Variants in ASXL3 observed in about 807,000 individuals in gnomAD.
ASXL3 encodes putative Polycomb group protein ASXL3.
In ASXL3, 34 loss-of-function variants were observed where a neutral mutation model predicts 170.6. The observed-to-expected ratio is 0.20, with a 90% CI of 0.15 to 0.27. The LOEUF (loss-of-function observed/expected upper bound fraction) is 0.27, where lower values mean the gene tolerates loss of function less well. Among genes scored for constraint, ASXL3 ranks in the 10% least tolerant of loss-of-function variants. ASXL3 has a pLI of 1.00. For missense variants in ASXL3, 2,592 were observed against 2,695.3 expected (o/e 0.96, Z 0.85); for synonymous variants, 1,002 against 989.1 (o/e 1.01, Z -0.24).
At chr18:33,633,814 C>T (rs967689236) in intron 2 of ASXL3, among the ~76,000 whole-genome samples, 1 of 126,800 alleles carries the variant, frequency 7.9e-6, no homozygotes, top group African/African-American at 3.1e-5. Flanking sequence ...CACTGCATTA[C>T]AGCCTGGCGG....
At position 33,750,158 on chromosome 18, in the gene ASXL3, G is replaced by A. The variant is rs978925419; in HGVS notation, c.*3563G>A. The A allele has an allele frequency of 3.9e-5, 6 of 152,236 alleles. No homozygotes were observed. Among genetic ancestry groups the A allele is most frequent in the Non-Finnish European group, 7.3e-5 (5 of 68,082 alleles). The allele number at this position is 152,236 out of a possible 1,614,324, so 9.4% of individuals were successfully genotyped here. ...GAGCCCAGAGTCACTGTCCATCTGCGTTCCCAGAGAACAATTGTGAAGAGT... is the reference window on the plus strand; with the variant it reads ...GAGCCCAGAGTCACTGTCCATCTGCATTCCCAGAGAACAATTGTGAAGAGT... On this transcript the variant is annotated 3_prime_UTR_variant, in exon 12 of 12. Coordinates refer to ENST00000269197, the MANE Select transcript of ASXL3 (RefSeq NM_030632.3).
At chr18:33,682,292 T>G (rs2066526743) in intron 7 of ASXL3, among the ~76,000 whole-genome samples, 1 of 152,250 alleles carries the variant, frequency 6.6e-6, no homozygotes, top group African/African-American at 2.4e-5. Context: ...CATAATTTTC[T>G]GACCTCTGAT....
At position 33,746,472 on chromosome 18, in the gene ASXL3, A is replaced by G. The variant is rs2067796866; in HGVS notation, c.6624A>G (p.Glu2208=). Residue 2208 remains glutamate (E), a synonymous_variant, in exon 12 of 12, where the codon GAA becomes GAG. Transcript: ENST00000269197. ...QNFADSSNAD[E]LELKCSCRLK... ...TTGCCGACAGCAGCAATGCAGATGA[A>G]TTGGAACTGAAATGCTCTTGCCGGC... 1 of 1,613,948 alleles carries G rather than the reference A, an allele frequency of 6.2e-7. No individual in the cohort carries two copies. The highest frequency in any genetic ancestry group is 1.7e-5 in the Admixed American group (1 of 60,016).
chr18:33,578,362 G>GCCGCCC lies in ASXL3; in HGVS notation c.-260_-255dup, dbSNP rs1326409769. On this transcript the variant is annotated 5_prime_UTR_variant, in exon 1 of 12. Transcript: ENST00000269197. ...CCCTGGCCCGGGCCCCGCTGCTGCC[G>GCCGCCC]CCGCCCCCGCCCCCGGCCCGCCCGC... 1.9e-4 allele frequency: 15 copies of GCCGCCC among 80,248 alleles called. No homozygotes were observed. The highest frequency in any genetic ancestry group is 4.8e-4 in the South Asian group (1 of 2,076). The allele number at this position is 80,248 out of a possible 1,614,324, so 5.0% of individuals were successfully genotyped here.
chr18:33,693,933 G>T (rs1043518728), intron 8 of ASXL3, among the ~76,000 whole-genome samples: 1 of 152,130 alleles, frequency 6.6e-6, no homozygotes, highest in Non-Finnish European at 1.5e-5. Flanking sequence ...GGCTGATTGA[G>T]CGGACAGGAA....
intron 1 of ASXL3, among the ~76,000 whole-genome samples, chr18:33,585,862 G>T (rs2065030316): frequency 6.6e-6 from 1 of 152,078 alleles, no homozygotes; most frequent in East Asian, 1.9e-4. Context: ...GCTTTATTTT[G>T]CATAGATGTA....
intron 1 of ASXL3, among the ~76,000 whole-genome samples, chr18:33,606,122 T>C (rs137941140): frequency 1.2e-4 from 19 of 152,110 alleles, no homozygotes; most frequent in African/African-American, 4.1e-4. Context: ...AGCTCTATTA[T>C]GCAGTTTCCT....
Position 33,670,702 on chromosome 18 carries a change from T to G in ASXL3, c.507T>G (p.Asn169Lys). 1 of 1,568,952 alleles carries G rather than the reference T, an allele frequency of 6.4e-7. No homozygotes were observed. Residue 169 changes from asparagine to lysine, a missense_variant, in exon 6 of 12, where the codon AAT becomes AAG. By Grantham distance (94) the Asn-to-Lys change is moderately conservative. Coordinates refer to ENST00000269197, the MANE Select transcript of ASXL3 (RefSeq NM_030632.3). ...TGAGGCAGCAGCAGAAAAGAAGAAATGGAGTCTCAATGATGGTAAACAAGA... is the reference window on the plus strand; with the variant it reads ...TGAGGCAGCAGCAGAAAAGAAGAAAGGGAGTCTCAATGATGGTAAACAAGA... ...QALRQQQKRR[N>K]GVSMMVNKTV... is the part of the protein sequence containing the mutation.
chr18:33,684,112 A>G (rs577651379), intron 8 of ASXL3, among the ~76,000 whole-genome samples: 7 of 152,216 alleles, frequency 4.6e-5, no homozygotes, highest in Non-Finnish European at 1.0e-4. Context: ...AGCTTCTAAA[A>G]TGAGGAAATA....
chr18:33,642,120 AG>A (rs1438038673), intron 2 of ASXL3, among the ~76,000 whole-genome samples: 2 of 151,968 alleles, frequency 1.3e-5, no homozygotes, highest in Non-Finnish European at 2.9e-5. Flanking sequence ...TACAATATAT[AG>A]TATACATGCC....
chr18:33,665,255 T>G (rs939315880), intron 5 of ASXL3, among the ~76,000 whole-genome samples: 4 of 152,088 alleles, frequency 2.6e-5, no homozygotes, highest in South Asian at 2.1e-4. Context: ...TTATTTAGGG[T>G]GGTAGAGTTT....
At chr18:33,581,253 T>C (rs1459595769) in intron 1 of ASXL3, among the ~76,000 whole-genome samples, 2 of 152,208 alleles carry the variant, frequency 1.3e-5, no homozygotes, top group African/African-American at 4.8e-5. Flanking sequence ...ATGCTTCTGA[T>C]GATTTTGCTG....
At chr18:33,582,547 A>ATTTG (rs140455600) in intron 1 of ASXL3, among the ~76,000 whole-genome samples, 27,646 of 151,896 alleles carry the variant, frequency 0.18, 4,682 homozygotes, top group African/African-American at 0.45. Flanking sequence ...GTTTCCTTTT[A>ATTTG]TTTTATTCCT....
At chr18:33,605,732 G>A (rs10163715) in intron 1 of ASXL3, 49,430 of 151,710 alleles carry the variant, frequency 0.33, 8,874 homozygotes, top group Middle Eastern at 0.43. Context: ...TTTCTTCTTT[G>A]GCCCTTTCTA....
At chr18:33,635,219 G>A (rs2065746734) in intron 2 of ASXL3, among the ~76,000 whole-genome samples, 1 of 152,092 alleles carries the variant, frequency 6.6e-6, no homozygotes, top group Admixed American at 6.5e-5. Flanking sequence ...ACTCACTATC[G>A]CTATGTAAAT....
intron 4 of ASXL3, among the ~76,000 whole-genome samples, chr18:33,651,009 C>G (rs2065989029): frequency 1.3e-5 from 2 of 151,798 alleles, no homozygotes; most frequent in East Asian, 3.9e-4. Context: ...CTTAAATGTC[C>G]CATCCAAATT....
At chr18:33,580,006 T>A (rs80147295) in intron 1 of ASXL3, among the ~76,000 whole-genome samples, 97 of 152,308 alleles carry the variant, frequency 6.4e-4, no homozygotes, top group East Asian at 5.0e-3. Context: ...TAGCAAAGGG[T>A]TTTAGATAAT....
At chr18:33,635,525 T>A (rs375111231) in intron 2 of ASXL3, among the ~76,000 whole-genome samples, 3 of 152,208 alleles carry the variant, frequency 2.0e-5, no homozygotes, top group Non-Finnish European at 2.9e-5. Flanking sequence ...TACTGGAAGA[T>A]AATTTATACT....
chr18:33,723,443 T>C (rs2067295659), intron 8 of ASXL3, among the ~76,000 whole-genome samples: 1 of 152,190 alleles, frequency 6.6e-6, no homozygotes. Flanking sequence ...AGGAAGTCAC[T>C]GCAGATGTGG....
Sources: gnomAD v4.1 joint callset for allele counts (sites outside exome capture counted in the v4.1 genomes callset) on GRCh38, gnomAD v4.1.1 for gene constraint, MANE v1.5 for transcripts, NCBI Gene and HGNC (gene_info 2026-07-23, HGNC 2026-07-21) for gene names.